GALNT13: variants seen among roughly 807,000 people sequenced by gnomAD.
GALNT13 encodes the protein UDP-GalNAc:polypeptide N-acetylgalactosaminyltransferase 13.
GALNT13 carries 28 observed loss-of-function variants against 64.2 expected under a neutral mutation model. That is an observed-to-expected ratio of 0.44 (90% confidence interval 0.32 to 0.60). GALNT13 has a LOEUF of 0.60. Among genes scored for constraint, GALNT13 ranks in the 20% least tolerant of loss-of-function variants. The pLI is 0.05. For missense variants in GALNT13, 577 were observed against 669.8 expected, an observed-to-expected ratio of 0.86 and a Z score of 1.53; for synonymous variants, 214 against 224.6, an observed-to-expected ratio of 0.95 and a Z score of 0.42.
At chr2:153,458,979 T>C in the GALNT13 span, among the ~76,000 whole-genome samples, 1 of 152,140 alleles carries the variant, frequency 6.6e-6, no homozygotes, top group African/African-American at 2.4e-5. Flanking sequence ...CTGGGCACTT[T>C]TGCTGATTTA....
chr2:153,388,700 A>G, the GALNT13 span, among the ~76,000 whole-genome samples: 1 of 152,042 alleles, frequency 6.6e-6, no homozygotes, highest in African/African-American at 2.4e-5. Context: ...AGGAACATCA[A>G]GTTAGGTGAC....
At chr2:153,660,832 T>G in the GALNT13 span, among the ~76,000 whole-genome samples, 1 of 152,006 alleles carries the variant, frequency 6.6e-6, no homozygotes, top group East Asian at 1.9e-4. Context: ...TTCTTAAAGT[T>G]TCTGTCAGAT....
the GALNT13 span, among the ~76,000 whole-genome samples, chr2:153,741,595 C>G: frequency 6.6e-6 from 1 of 151,968 alleles, no homozygotes; most frequent in Non-Finnish European, 1.5e-5. Flanking sequence ...ATTAATGTTT[C>G]CCACATTTTA....
At chr2:153,855,011 G>A in the GALNT13 span, among the ~76,000 whole-genome samples, 1 of 152,056 alleles carries the variant, frequency 6.6e-6, no homozygotes, top group Admixed American at 6.6e-5. Flanking sequence ...ATATAAACAA[G>A]CCTACATGTA....
intron 3 of GALNT13, among the ~76,000 whole-genome samples, chr2:154,125,442 C>G (rs1192030461): frequency 2.6e-5 from 4 of 152,090 alleles, no homozygotes; most frequent in Non-Finnish European, 4.4e-5. Flanking sequence ...TTGAATTGAT[C>G]TTTCCCAAAA....
chr2:153,874,283 C>A (rs747209599), intron 1 of GALNT13, among the ~76,000 whole-genome samples: 3 of 151,876 alleles, frequency 2.0e-5, no homozygotes, highest in African/African-American at 7.3e-5. Context: ...GATTTCACAT[C>A]TCTCCTTTAG....
chr2:153,463,299 G>A, the GALNT13 span, among the ~76,000 whole-genome samples: 2 of 151,964 alleles, frequency 1.3e-5, no homozygotes, highest in African/African-American at 2.4e-5. Flanking sequence ...ATTAGGGAGC[G>A]GCCATATTCA....
the GALNT13 span, among the ~76,000 whole-genome samples, chr2:153,792,468 G>A: frequency 6.6e-6 from 1 of 152,030 alleles, no homozygotes; most frequent in Non-Finnish European, 1.5e-5. Flanking sequence ...TATAGATTTT[G>A]GTATTCACAA....
intron 4 of GALNT13, among the ~76,000 whole-genome samples, chr2:154,194,921 A>C (rs1686797886): frequency 6.6e-6 from 1 of 150,958 alleles, no homozygotes; most frequent in South Asian, 2.1e-4. Context: ...GGTTTGTTAC[A>C]TAGATATACA....
intron 12 of GALNT13, among the ~76,000 whole-genome samples, chr2:154,447,411 G>A (rs116502787): frequency 0.01 from 1,546 of 151,808 alleles, 9 homozygotes; most frequent in Non-Finnish European, 0.016. Context: ...TACGATTTGT[G>A]ACTATCTTTT....
the GALNT13 span, among the ~76,000 whole-genome samples, chr2:153,354,528 C>T: frequency 5.3e-5 from 8 of 152,110 alleles, no homozygotes; most frequent in South Asian, 2.1e-4. Context: ...GGCTCTAAAA[C>T]GTAGTAGTAC....
the GALNT13 span, among the ~76,000 whole-genome samples, chr2:153,224,300 C>A: frequency 6.6e-6 from 1 of 151,186 alleles, no homozygotes; most frequent in African/African-American, 2.4e-5. Flanking sequence ...ACAATAGACA[C>A]TGGGGACTAC....
At chr2:154,015,798 A>T (rs1054484451) in intron 3 of GALNT13, among the ~76,000 whole-genome samples, 2 of 152,172 alleles carry the variant, frequency 1.3e-5, no homozygotes, top group Admixed American at 6.6e-5. Flanking sequence ...CAGTGTCATG[A>T]TTTTGTACTC....
the GALNT13 span, among the ~76,000 whole-genome samples, chr2:153,224,606 C>A: frequency 1.3e-5 from 2 of 152,056 alleles, no homozygotes; most frequent in African/African-American, 4.8e-5. Context: ...ATAAAGCCCT[C>A]ACAAGGCTAA....
At chr2:154,333,357 ATAGT>A (rs1378228129) in intron 9 of GALNT13, among the ~76,000 whole-genome samples, 1 of 152,112 alleles carries the variant, frequency 6.6e-6, no homozygotes, top group African/African-American at 2.4e-5. Context: ...AATTATTAAA[ATAGT>A]TAAATATTTT....
At chr2:153,333,465 G>A in the GALNT13 span, among the ~76,000 whole-genome samples, 1 of 152,068 alleles carries the variant, frequency 6.6e-6, no homozygotes, top group Non-Finnish European at 1.5e-5. Flanking sequence ...ATTCTGTGAA[G>A]GAAATTTCCA....
chr2:154,099,839 C>A (rs1574497341), intron 3 of GALNT13, among the ~76,000 whole-genome samples: 6 of 152,056 alleles, frequency 3.9e-5, no homozygotes, highest in Admixed American at 3.9e-4. Context: ...GCAAGGGGAG[C>A]TGAGACTAGA....
chr2:153,988,125 A>C (rs1012846122), intron 3 of GALNT13, among the ~76,000 whole-genome samples: 8 of 151,638 alleles, frequency 5.3e-5, no homozygotes, highest in African/African-American at 7.3e-5. Context: ...TGATTAAATC[A>C]AGTTAATTAA....
the GALNT13 span, among the ~76,000 whole-genome samples, chr2:153,850,240 G>T: frequency 2.6e-5 from 4 of 151,540 alleles, no homozygotes; most frequent in African/African-American, 7.3e-5. Context: ...AGAGAACAAA[G>T]AACAACACTT....
Sources: allele counts gnomAD v4.1 joint callset (sites outside exome capture counted in the v4.1 genomes callset), GRCh38; gene constraint gnomAD v4.1.1; transcripts MANE v1.5; gene names NCBI Gene and HGNC (gene_info 2026-07-23, HGNC 2026-07-21).